The following RSF1 variants were observed in gnomAD, a reference collection of about 807,000 sequenced individuals.
RSF1 encodes HBV pX-associated protein 8.
RSF1 carries 13 observed loss-of-function variants against 145.2 expected under a neutral mutation model. The ratio of observed to expected loss-of-function variants is 0.09; its 90% CI spans 0.06 to 0.14. The LOEUF (loss-of-function observed/expected upper bound fraction) is 0.14. RSF1 is among the 10% of genes least tolerant of loss of function. RSF1 has a pLI of 1.00. For missense variants in RSF1, 1,517 were observed against 1,718.2 expected, an observed-to-expected ratio of 0.88 and a Z score of 2.07; for synonymous variants, 577 against 592.6, an observed-to-expected ratio of 0.97 and a Z score of 0.38.
At chr11:77,743,715 G>A (rs1250674741) in intron 3 of RSF1, among the ~76,000 whole-genome samples, 1 of 151,718 alleles carries the variant, frequency 6.6e-6, no homozygotes, top group African/African-American at 2.4e-5. Flanking sequence ...ATTTCTTTTT[G>A]TACCTAACTG....
chr11:77,737,221 G>A (rs1210549408), intron 4 of RSF1, among the ~76,000 whole-genome samples: 1 of 152,126 alleles, frequency 6.6e-6, no homozygotes, highest in African/African-American at 2.4e-5. Flanking sequence ...GCCACAGCAA[G>A]TGAATAGCTT....
chr11:77,834,864 T>A, the RSF1 span, among the ~76,000 whole-genome samples: 1 of 152,174 alleles, frequency 6.6e-6, no homozygotes, highest in Non-Finnish European at 1.5e-5. Flanking sequence ...ATCTCACCTT[T>A]ACCACTCAAA....
At chr11:77,840,948 T>C in the RSF1 span, 1 of 464,416 alleles carries the variant, frequency 2.2e-6, no homozygotes, top group African/African-American at 1.9e-5. Flanking sequence ...ATCCATGTTG[T>C]GCTCCTATAA....
At position 77,661,727 on chromosome 11, in the gene RSF1, T is replaced by G. The variant is rs545758886; in HGVS notation, c.*5190A>C. 1.4e-4 allele frequency: 21 copies of G among 151,986 alleles called. No individual in the cohort carries two copies. The East Asian group carries it at 3.9e-3, about 28-fold the overall frequency. The allele number at this position is 151,986 out of a possible 1,614,324, so 9.4% of individuals were successfully genotyped here. ...ATCCCTTAAAAGCTGTACAGTTATT[T>G]TTTTTAAAAAAAGGTGACTCTCAAG... On this transcript the variant is annotated 3_prime_UTR_variant, in exon 16 of 16. Transcript: ENST00000308488.
intron 1 of RSF1, among the ~76,000 whole-genome samples, chr11:77,809,530 T>C (rs1479419580): frequency 6.6e-6 from 1 of 152,110 alleles, no homozygotes; most frequent in Non-Finnish European, 1.5e-5. Context: ...GGGTATAAAA[T>C]GAAAAGGCCA....
chr11:77,833,016 T>TTTA, the RSF1 span, among the ~76,000 whole-genome samples: 1 of 134,316 alleles, frequency 7.4e-6, no homozygotes, highest in African/African-American at 2.8e-5. Flanking sequence ...TATATTTTTT[T>TTTA]TTTTTTTTTT....
the RSF1 span, among the ~76,000 whole-genome samples, chr11:77,864,328 C>G: frequency 1.3e-5 from 2 of 151,690 alleles, no homozygotes; most frequent in African/African-American, 4.8e-5. Flanking sequence ...CCTGTAATCC[C>G]AGCTATAGGC....
At chr11:77,737,827 T>C (rs1443736596) in intron 4 of RSF1, among the ~76,000 whole-genome samples, 1 of 152,042 alleles carries the variant, frequency 6.6e-6, no homozygotes, top group Non-Finnish European at 1.5e-5. Flanking sequence ...GTTAGAAAGG[T>C]TGTAAGAAAA....
intron 3 of RSF1, among the ~76,000 whole-genome samples, chr11:77,743,466 T>C (rs1947964235): frequency 1.3e-5 from 2 of 152,244 alleles, no homozygotes; most frequent in African/African-American, 2.4e-5. Flanking sequence ...CTAAATATTT[T>C]ATTTTTTGAT....
In RSF1 at chr11:77,725,528, AAC is replaced by A. The variant is rs778775031; in HGVS notation, c.733+15_733+16del. 9.8e-6 allele frequency: 15 copies of A among 1,525,992 alleles called. No homozygotes were observed. Among genetic ancestry groups the A allele is most frequent in the Non-Finnish European group, 1.1e-5 (13 of 1,136,964 alleles). The allele number at this position is 1,525,992 out of a possible 1,614,324, so 94.5% of individuals were successfully genotyped here. A position where few individuals can be genotyped will look rare whatever the true frequency, so the allele number is the denominator to read the frequency against. The stretch of plus-strand genomic sequence containing the variant: ...GAGATTACAAAACAAAGCAAAACAA[AAC>A]ACACAAAAAAAAACCTTGTTTAGGT... On this transcript the variant is annotated intron_variant, in intron 5 of 15. Transcript: ENST00000308488.
chr11:77,844,657 C>T, the RSF1 span, among the ~76,000 whole-genome samples: 1 of 152,130 alleles, frequency 6.6e-6, no homozygotes, highest in Non-Finnish European at 1.5e-5. Context: ...CCATCATGCC[C>T]AGCCAGATTT....
intron 1 of RSF1, among the ~76,000 whole-genome samples, chr11:77,784,094 A>G (rs1948431150): frequency 6.6e-6 from 1 of 152,134 alleles, no homozygotes; most frequent in African/African-American, 2.4e-5. Flanking sequence ...TATTCTTCCA[A>G]TATTCTTGGC....
At chr11:77,830,413 A>G in the RSF1 span, among the ~76,000 whole-genome samples, 12 of 151,510 alleles carry the variant, frequency 7.9e-5, no homozygotes, top group African/African-American at 2.7e-4. Context: ...TGAGAAATCT[A>G]GCGCCTATTG....
At chr11:77,832,282 C>G in the RSF1 span, among the ~76,000 whole-genome samples, 1 of 151,750 alleles carries the variant, frequency 6.6e-6, no homozygotes, top group South Asian at 2.1e-4. Context: ...TAAATTTATT[C>G]TTTGAGTTTA....
intron 9 of RSF1, among the ~76,000 whole-genome samples, chr11:77,688,206 C>G (rs897611895): frequency 6.6e-6 from 1 of 152,148 alleles, no homozygotes; most frequent in African/African-American, 2.4e-5. Context: ...GCAGAAGAAT[C>G]GCTTGAACCC....
chr11:77,871,856 A>G, the RSF1 span, among the ~76,000 whole-genome samples: 1 of 152,244 alleles, frequency 6.6e-6, no homozygotes, highest in South Asian at 2.1e-4. Context: ...ACATGAAAAC[A>G]AAGACTCAGA....
chr11:77,686,210 G>C (rs1361424570), intron 9 of RSF1, among the ~76,000 whole-genome samples: 1 of 151,746 alleles, frequency 6.6e-6, no homozygotes, highest in Non-Finnish European at 1.5e-5. Context: ...AAGACCAGCT[G>C]GGCAACACAG....
intron 1 of RSF1, among the ~76,000 whole-genome samples, chr11:77,772,106 G>C (rs1262640076): frequency 6.6e-6 from 1 of 151,928 alleles, no homozygotes; most frequent in Non-Finnish European, 1.5e-5. Context: ...CCATATTTCA[G>C]AAAGACAATA....
chr11:77,863,484 G>A, the RSF1 span, among the ~76,000 whole-genome samples: 2 of 152,204 alleles, frequency 1.3e-5, no homozygotes, highest in African/African-American at 2.4e-5. Context: ...GGTAGCCTGC[G>A]TTTAAGCAAT....
Sources: allele counts gnomAD v4.1 joint callset (sites outside exome capture counted in the v4.1 genomes callset), GRCh38; gene constraint gnomAD v4.1.1; transcripts MANE v1.5; gene names NCBI Gene and HGNC (gene_info 2026-07-23, HGNC 2026-07-21).